CLASP1: variants seen among roughly 807,000 people sequenced by gnomAD.
CLASP1 encodes cytoplasmic linker associated protein 1.
Under a neutral mutation model 192.3 loss-of-function variants are expected in CLASP1, and 38 were observed. That is an observed-to-expected ratio of 0.20 (90% CI 0.15 to 0.26). The LOEUF (loss-of-function observed/expected upper bound fraction) is 0.26, where lower values mean the gene tolerates loss of function less well. Ranked by LOEUF, CLASP1 falls within the 10% of genes least tolerant of loss-of-function variation. The pLI, the probability that CLASP1 is intolerant of heterozygous loss-of-function variation, is 1.00. For missense variants in CLASP1, 1,433 were observed against 1,932.5 expected (o/e 0.74, Z 4.85); for synonymous variants, 691 against 712.8 (o/e 0.97, Z 0.49).
intron 1 of CLASP1, among the ~76,000 whole-genome samples, chr2:121,644,677 T>C (rs1052399589): frequency 5.3e-4 from 80 of 151,922 alleles, no homozygotes; most frequent in African/African-American, 1.9e-3. Context: ...AGGGGAATAG[T>C]TGGGCCAGGC....
intron 37 of CLASP1, among the ~76,000 whole-genome samples, chr2:121,352,136 G>T (rs932235402): frequency 1.3e-5 from 2 of 152,208 alleles, no homozygotes; most frequent in African/African-American, 4.8e-5. Context: ...ACTTCTTGTG[G>T]GTGGCCAGGA....
chr2:121,588,261 A>C lies in CLASP1; in HGVS notation c.195+17440T>G, dbSNP rs186209656. On this transcript the variant is annotated intron_variant, in intron 2 of 39. Coordinates refer to ENST00000263710, the Ensembl canonical transcript of CLASP1. The stretch of plus-strand genomic sequence containing the variant: ...TAATACCCAGTGATGGTTTTAAATA[A>C]GACAGGTTATGTGGTAAGTGTATGT... Among the ~76,000 whole-genome samples the C allele has an allele frequency of 2.6e-4, 39 of 152,298 alleles. No homozygotes were observed. The East Asian group carries it at 7.3e-3, about 29-fold the overall frequency.
chr2:121,510,144 C>T (rs1330075324), intron 7 of CLASP1, among the ~76,000 whole-genome samples: 3 of 152,136 alleles, frequency 2.0e-5, no homozygotes, highest in African/African-American at 7.2e-5. Flanking sequence ...AATCAATAAC[C>T]TTCCATCTTA....
At chr2:121,530,704 C>A (rs2094761691) in intron 2 of CLASP1, 2 of 513,366 alleles carry the variant, frequency 3.9e-6, no homozygotes, top group African/African-American at 1.9e-5. Context: ...ACCGAGCCGC[C>A]GCTTTTGCGA....
intron 1 of CLASP1, among the ~76,000 whole-genome samples, chr2:121,629,790 TCA>T (rs927246414): frequency 4.0e-5 from 6 of 151,852 alleles, no homozygotes; most frequent in African/African-American, 1.5e-4. Context: ...AAACTCCATC[TCA>T]AAAAAAATAA....
intron 20 of CLASP1, 151 bp downstream of exon 20, chr2:121,429,922 C>T: frequency 1.7e-6 from 1 of 602,334 alleles, no homozygotes; most frequent in Non-Finnish European, 2.9e-6. Flanking sequence ...TAAGCTTACC[C>T]AACAAACAGT....
intron 2 of CLASP1, among the ~76,000 whole-genome samples, chr2:121,579,264 T>A (rs1464624247): frequency 6.6e-6 from 1 of 152,208 alleles, no homozygotes; most frequent in Non-Finnish European, 1.5e-5. Context: ...AGGAGCTTTC[T>A]CACATGTATG....
chr2:121,563,620 C>T (rs2059276130), intron 2 of CLASP1, among the ~76,000 whole-genome samples: 1 of 152,106 alleles, frequency 6.6e-6, no homozygotes, highest in Non-Finnish European at 1.5e-5. Flanking sequence ...TTTTAACTTC[C>T]AACTTTTTGT....
intron 14 of CLASP1, 90 bp downstream of exon 14, chr2:121,457,597 T>G (rs1559278797): frequency 9.5e-6 from 9 of 942,446 alleles, no homozygotes; most frequent in Non-Finnish European, 1.5e-5. Flanking sequence ...AAGCATGTTA[T>G]ACATGAAATT....
rs1217442706 is a variant in CLASP1, at chr2:121,433,907, C to T, written c.1913-3730G>A. On this transcript the variant is annotated intron_variant, in intron 19 of 39. Transcript: ENST00000263710. Reference sequence around the variant, plus strand: ...CCTCTTTTCCTATTCTCTGAGTTTACGTAAGACTGGAATTACCTAATGTTT... The same window carrying T: ...CCTCTTTTCCTATTCTCTGAGTTTATGTAAGACTGGAATTACCTAATGTTT... 2.6e-5 allele frequency among the ~76,000 whole-genome samples: 4 copies of T among 152,146 alleles called. No individual in the cohort carries two copies. The South Asian group carries it at 6.2e-4, about 24-fold the overall frequency.
At chr2:121,620,305 G>A (rs1043732909) in intron 1 of CLASP1, among the ~76,000 whole-genome samples, 1 of 151,906 alleles carries the variant, frequency 6.6e-6, no homozygotes, top group East Asian at 1.9e-4. Flanking sequence ...TATAATCAAA[G>A]TGGCATCTAA....
chr2:121,384,498 T>G (rs2072735444), intron 32 of CLASP1, among the ~76,000 whole-genome samples: 1 of 152,150 alleles, frequency 6.6e-6, no homozygotes, highest in Non-Finnish European at 1.5e-5. Context: ...ACTAGTGATA[T>G]TTTTAAACAA....
intron 1 of CLASP1, among the ~76,000 whole-genome samples, chr2:121,632,257 T>C (rs2069834761): frequency 6.6e-6 from 1 of 152,014 alleles, no homozygotes; most frequent in Admixed American, 6.6e-5. Context: ...AACAAAAATG[T>C]ATCTTGTATT....
At chr2:121,565,730 C>A (rs1255829187) in intron 2 of CLASP1, among the ~76,000 whole-genome samples, 1 of 152,172 alleles carries the variant, frequency 6.6e-6, no homozygotes, top group Non-Finnish European at 1.5e-5. Context: ...CTTAGCAACT[C>A]AAATCAAAGA....
At chr2:121,592,568 T>A (rs1216738880) in intron 2 of CLASP1, among the ~76,000 whole-genome samples, 1 of 152,208 alleles carries the variant, frequency 6.6e-6, no homozygotes, top group Non-Finnish European at 1.5e-5. Flanking sequence ...CAAAAACATA[T>A]GAAGCCAACT....
intron 8 of CLASP1, among the ~76,000 whole-genome samples, chr2:121,474,541 C>T (rs1358304590): frequency 6.6e-6 from 1 of 152,146 alleles, no homozygotes; most frequent in African/African-American, 2.4e-5. Context: ...TAGAGACCAT[C>T]CTGGCTAACA....
rs905224910 is a variant in CLASP1, at chr2:121,462,215, A to T, written c.939+317T>A. On this transcript the variant is annotated intron_variant, in intron 10 of 39. Coordinates refer to ENST00000263710, the Ensembl canonical transcript of CLASP1. ...CAAAATCCTTCAAACTTATGAATTA[A>T]AAAAAAAAAAAATCCCTAAATAAAT... Among the ~76,000 whole-genome samples the T allele has an allele frequency of 4.3e-5, 6 of 139,634 alleles. No individual in the cohort carries two copies. The South Asian group carries it at 1.3e-3, about 30-fold the overall frequency. 91.6% of individuals were successfully genotyped at this position (139,634 alleles called of 152,430 possible).
chr2:121,403,352 A>C (rs2076414107), intron 26 of CLASP1: 3 of 455,148 alleles, frequency 6.6e-6, no homozygotes, highest in Non-Finnish European at 1.3e-5. Context: ...AGTAAATGTT[A>C]AATGACTGGG....
exon 30 of CLASP1, chr2:121,397,205 T>C (rs1166172518): frequency 1.9e-6 from 3 of 1,613,908 alleles, no homozygotes; most frequent in Non-Finnish European, 2.5e-6. Flanking sequence ...GCAAGCCTTG[T>C]CTCACTAGAG....
Sources: allele counts gnomAD v4.1 joint callset (sites outside exome capture counted in the v4.1 genomes callset), GRCh38; gene constraint gnomAD v4.1.1; transcripts MANE v1.5; gene names NCBI Gene and HGNC (gene_info 2026-07-23, HGNC 2026-07-21).